The following KCNIP1 variants were observed in gnomAD, a reference collection of about 807,000 sequenced individuals.
KCNIP1 encodes potassium voltage-gated channel interacting protein 1.
Under a neutral mutation model 33.0 loss-of-function variants are expected in KCNIP1, and 18 were observed. The ratio of observed to expected loss-of-function variants is 0.55; its 90% confidence interval spans 0.38 to 0.81. The LOEUF is 0.81. Ranked by LOEUF, KCNIP1 falls within the 30% of genes least tolerant of loss-of-function variation. The pLI, the probability that KCNIP1 is intolerant of heterozygous loss-of-function variation, is 0.00. For missense variants in KCNIP1, 238 were observed against 271.6 expected (o/e 0.88, Z 0.87); for synonymous variants, 93 against 98.3 (o/e 0.95, Z 0.32).
At chr5:170,448,164 G>A (rs1581201910) in intron 1 of KCNIP1, among the ~76,000 whole-genome samples, 1 of 152,258 alleles carries the variant, frequency 6.6e-6, no homozygotes, top group Middle Eastern at 3.4e-3. Context: ...TAGTATAGTT[G>A]CCCAGCCTAT....
intron 1 of KCNIP1, among the ~76,000 whole-genome samples, chr5:170,656,146 C>T (rs1018232855): frequency 6.6e-6 from 1 of 152,204 alleles, no homozygotes; most frequent in Non-Finnish European, 1.5e-5. Flanking sequence ...CTCCAAGTCA[C>T]TGGGAACCCT....
intron 1 of KCNIP1, among the ~76,000 whole-genome samples, chr5:170,547,539 G>T (rs1203692471): frequency 6.6e-6 from 1 of 152,044 alleles, no homozygotes. Flanking sequence ...CCCACCCTCT[G>T]GTGGGCCCCA....
At chr5:170,725,069 G>T (rs1249781914) in intron 5 of KCNIP1, among the ~76,000 whole-genome samples, 1 of 152,174 alleles carries the variant, frequency 6.6e-6, no homozygotes, top group Non-Finnish European at 1.5e-5. Context: ...AGTCAAGATG[G>T]TAGGGAATTG....
chr5:170,500,079 G>T (rs1757381620), upstream of KCNIP1, among the ~76,000 whole-genome samples: 1 of 152,172 alleles, frequency 6.6e-6, no homozygotes. Flanking sequence ...GGTGCCAGCA[G>T]GGTTGGTGTC....
chr5:170,504,146 G>T lies in KCNIP1; in HGVS notation c.-427G>T. On this transcript the variant is annotated 5_prime_UTR_variant, in exon 1 of 8. Transcript: ENST00000328939. This position sits in a 1 kb window ranked among gnomAD's most constrained non-coding sequence, Gnocchi z 6.0. Reference sequence around the variant, plus strand: ...CGGCCCTCCGAGACCCAGCCCGAGCGCAGGGAGGGGAGCCGAGTGTGCGGC... The same window carrying T: ...CGGCCCTCCGAGACCCAGCCCGAGCTCAGGGAGGGGAGCCGAGTGTGCGGC... The T allele has an allele frequency of 3.0e-6, 3 of 997,238 alleles. No homozygotes were observed. In the African/African-American group the frequency reaches 5.2e-5, roughly 17 times the overall value. 61.8% of individuals were successfully genotyped at this position (997,238 alleles called of 1,614,324 possible). A position where few individuals can be genotyped will look rare whatever the true frequency, so the allele number is the denominator to read the frequency against.
At chr5:170,403,055 ATGATTGGTAAGAC>A (rs1359178734) in intron 1 of KCNIP1, among the ~76,000 whole-genome samples, 1 of 152,190 alleles carries the variant, frequency 6.6e-6, no homozygotes, top group East Asian at 1.9e-4. Context: ...TGCCAGGAAC[ATGATTGGTAAGAC>A]TGATTTACAC....
chr5:170,724,221 T>C (rs1763932463), intron 5 of KCNIP1, among the ~76,000 whole-genome samples: 1 of 152,140 alleles, frequency 6.6e-6, no homozygotes, highest in African/African-American at 2.4e-5. Flanking sequence ...ATATCAATCC[T>C]ACAAAAAAAT....
chr5:170,608,702 G>GC (rs933217214), intron 1 of KCNIP1, among the ~76,000 whole-genome samples: 15 of 151,942 alleles, frequency 9.9e-5, no homozygotes, highest in African/African-American at 3.6e-4. Flanking sequence ...AACCCGGGAG[G>GC]CAGAGGTTGC....
At chr5:170,565,364 A>G (rs1027194811) in intron 1 of KCNIP1, among the ~76,000 whole-genome samples, 5 of 152,192 alleles carry the variant, frequency 3.3e-5, no homozygotes, top group Non-Finnish European at 7.3e-5. Flanking sequence ...TTTAACCAAT[A>G]ATCAAATCAG....
At position 170,718,772 on chromosome 5, in the gene KCNIP1, G is replaced by C. The variant is rs1210064193; in HGVS notation, c.76G>C (p.Glu26Gln). The C allele has an allele frequency of 6.2e-7, 1 of 1,613,454 alleles. No homozygotes were observed. The highest frequency in any genetic ancestry group is 8.5e-7 in the Non-Finnish European group (1 of 1,179,782). The change falls in exon 2 of 8, where the codon GAG (glutamate) becomes CAG (glutamine). Residue 26 changes from glutamate (E) to glutamine (Q), a missense_variant. Transcript: ENST00000328939. ...RRPSKDKIED[E>Q]LEMTMVCHRP... ...TCTGGTTCCAGATAAGATTGAAGATGAGCTGGAGATGACCATGGTTTGCCA... is the reference window on the plus strand; with the variant it reads ...TCTGGTTCCAGATAAGATTGAAGATCAGCTGGAGATGACCATGGTTTGCCA...
intron 1 of KCNIP1, among the ~76,000 whole-genome samples, chr5:170,653,566 C>T (rs892241863): frequency 6.6e-6 from 1 of 152,076 alleles, no homozygotes; most frequent in African/African-American, 2.4e-5. Context: ...AACAGCTCTA[C>T]TTATCTTAAG....
At chr5:170,478,320 G>C (rs928902556) in intron 1 of KCNIP1, among the ~76,000 whole-genome samples, 2 of 152,336 alleles carry the variant, frequency 1.3e-5, no homozygotes, top group Non-Finnish European at 2.9e-5. Context: ...AGATATCACA[G>C]ACTTAGGAAA....
chr5:170,608,360 G>A (rs555496732), intron 1 of KCNIP1, among the ~76,000 whole-genome samples: 20 of 152,328 alleles, frequency 1.3e-4, no homozygotes, highest in African/African-American at 4.6e-4. Context: ...GCCAAAGTCA[G>A]ACAAGATCAG....
chr5:170,645,010 T>C (rs1161404397), intron 1 of KCNIP1, among the ~76,000 whole-genome samples: 1 of 152,234 alleles, frequency 6.6e-6, no homozygotes, highest in Admixed American at 6.5e-5. Context: ...CTAAGGCTTC[T>C]AGTGCTGGCT....
intron 1 of KCNIP1, among the ~76,000 whole-genome samples, chr5:170,363,605 C>A (rs1763574847): frequency 6.6e-6 from 1 of 152,224 alleles, no homozygotes; most frequent in Non-Finnish European, 1.5e-5. Flanking sequence ...TATTTAACTA[C>A]CCAGTCTGCG....
chr5:170,403,066 G>T (rs1754949418), intron 1 of KCNIP1, among the ~76,000 whole-genome samples: 1 of 152,160 alleles, frequency 6.6e-6, no homozygotes. Context: ...TGATTGGTAA[G>T]ACTGATTTAC....
At chr5:170,522,610 C>T (rs1481012288) in intron 1 of KCNIP1, among the ~76,000 whole-genome samples, 1 of 152,210 alleles carries the variant, frequency 6.6e-6, no homozygotes, top group East Asian at 1.9e-4. Flanking sequence ...GGGGAATTCG[C>T]CAAGGTAAAT....
intron 5 of KCNIP1, among the ~76,000 whole-genome samples, chr5:170,725,905 T>A (rs536018514): frequency 6.6e-6 from 1 of 152,266 alleles, no homozygotes; most frequent in East Asian, 1.9e-4. Flanking sequence ...AAGAACCGTG[T>A]TTTCACAGCT....
At chr5:170,556,650 C>T (rs918971367) in intron 1 of KCNIP1, among the ~76,000 whole-genome samples, 1 of 152,328 alleles carries the variant, frequency 6.6e-6, no homozygotes, top group Non-Finnish European at 1.5e-5. Flanking sequence ...AGGCTAGAGC[C>T]AGCTGCACAG....
Sources: allele counts gnomAD v4.1 joint callset (sites outside exome capture counted in the v4.1 genomes callset), GRCh38; gene constraint gnomAD v4.1.1; non-coding constraint Gnocchi (gnomAD v3.1); transcripts MANE v1.5; gene names NCBI Gene and HGNC (gene_info 2026-07-23, HGNC 2026-07-21).